HDAC9: variants seen among roughly 807,000 people sequenced by gnomAD.
The protein encoded by HDAC9 is histone deacetylase 9.
A neutral mutation model predicts 139.4 loss-of-function variants in HDAC9; 41 were observed. That is an observed-to-expected ratio of 0.29 (90% confidence interval 0.23 to 0.38). The LOEUF (loss-of-function observed/expected upper bound fraction) is 0.38, where lower values mean the gene tolerates loss of function less well. Ranked by LOEUF, HDAC9 falls within the 10% of genes least tolerant of loss-of-function variation. HDAC9 has a pLI of 1.00. For synonymous variants in HDAC9, 517 were observed against 476.2 expected, an observed-to-expected ratio of 1.09 and a Z score of -1.12; for missense variants, 1,147 against 1,297.0, an observed-to-expected ratio of 0.88 and a Z score of 1.78.
At chr7:18,814,041 G>A (rs1794385393) in intron 17 of HDAC9, among the ~76,000 whole-genome samples, 1 of 152,188 alleles carries the variant, frequency 6.6e-6, no homozygotes, top group South Asian at 2.1e-4. Flanking sequence ...TCTTCATCTG[G>A]CTCTTGGCTT....
intron 21 of HDAC9, among the ~76,000 whole-genome samples, chr7:18,842,928 T>G (rs1341504926): frequency 6.6e-6 from 1 of 152,238 alleles, no homozygotes; most frequent in African/African-American, 2.4e-5. Flanking sequence ...CTTGAAGTAC[T>G]TGAAGTTTTG....
intron 1 of HDAC9, among the ~76,000 whole-genome samples, chr7:18,464,303 A>G (rs1794086558): frequency 6.6e-6 from 1 of 151,986 alleles, no homozygotes; most frequent in Non-Finnish European, 1.5e-5. Flanking sequence ...ATTCACTTCC[A>G]TTTAATATGA....
chr7:18,972,555 AT>A (rs1784311893), intron 24 of HDAC9, among the ~76,000 whole-genome samples: 1 of 151,008 alleles, frequency 6.6e-6, no homozygotes, highest in African/African-American at 2.4e-5. Context: ...TATTTTTTGT[AT>A]TTTCAGTAGA....
intron 1 of HDAC9, among the ~76,000 whole-genome samples, chr7:18,161,346 C>T (rs768682887): frequency 1.4e-4 from 22 of 151,878 alleles, no homozygotes; most frequent in Non-Finnish European, 2.4e-4. Context: ...AAAATAGTGA[C>T]GGAAAAACGA....
chr7:18,803,840 T>C (rs1040970633), intron 17 of HDAC9, among the ~76,000 whole-genome samples: 2 of 152,174 alleles, frequency 1.3e-5, no homozygotes, highest in Non-Finnish European at 2.9e-5. Flanking sequence ...TATTTTGTGA[T>C]ATATCCCTTG....
At chr7:18,993,582 T>C (rs906189503) in intron 25 of HDAC9, among the ~76,000 whole-genome samples, 1 of 152,066 alleles carries the variant, frequency 6.6e-6, no homozygotes, top group Non-Finnish European at 1.5e-5. Context: ...CAGGAGGATC[T>C]CTTGAGCCCA....
At chr7:18,668,176 T>G in intron 12 of HDAC9, 3 of 849,424 alleles carry the variant, frequency 3.5e-6, no homozygotes, top group Non-Finnish European at 4.2e-6. Context: ...CCATTCAAAT[T>G]AAATTAACAT....
At chr7:18,230,480 A>G (rs1793377099) in intron 2 of HDAC9, among the ~76,000 whole-genome samples, 1 of 152,198 alleles carries the variant, frequency 6.6e-6, no homozygotes, top group Non-Finnish European at 1.5e-5. Context: ...AAAAATTCAC[A>G]TGATAAATTC....
At chr7:18,957,611 T>TA (rs930363593) in intron 24 of HDAC9, among the ~76,000 whole-genome samples, 6 of 152,222 alleles carry the variant, frequency 3.9e-5, no homozygotes, top group East Asian at 1.9e-4. Flanking sequence ...TCTTCCTTGT[T>TA]AAAAAAATTA....
intron 1 of HDAC9, among the ~76,000 whole-genome samples, chr7:18,342,883 A>C (rs773586308): frequency 6.6e-6 from 1 of 151,846 alleles, no homozygotes; most frequent in Non-Finnish European, 1.5e-5. Flanking sequence ...GGATCTACTG[A>C]ATGAGAGAGA....
chr7:18,239,461 C>T (rs1460475893), intron 2 of HDAC9, among the ~76,000 whole-genome samples: 1 of 152,108 alleles, frequency 6.6e-6, no homozygotes, highest in African/African-American at 2.4e-5. Context: ...CCATAGGTTT[C>T]GTTTTGATGT....
intron 12 of HDAC9, among the ~76,000 whole-genome samples, chr7:18,690,774 G>A (rs889889543): frequency 1.3e-5 from 2 of 152,014 alleles, no homozygotes; most frequent in East Asian, 3.9e-4. Flanking sequence ...CAAACAAGAC[G>A]TACGGCATGC....
intron 1 of HDAC9, among the ~76,000 whole-genome samples, chr7:18,325,144 A>T (rs902342770): frequency 6.6e-6 from 1 of 152,144 alleles, no homozygotes; most frequent in Admixed American, 6.6e-5. Context: ...ATAAAAAAAG[A>T]CCCAATAGTT....
At chr7:18,899,838 C>G (rs1379479673) in intron 22 of HDAC9, among the ~76,000 whole-genome samples, 1 of 151,916 alleles carries the variant, frequency 6.6e-6, no homozygotes, top group Non-Finnish European at 1.5e-5. Flanking sequence ...TATCTGTGAC[C>G]TGTAATATAA....
intron 14 of HDAC9, among the ~76,000 whole-genome samples, chr7:18,752,435 G>C (rs192600078): frequency 6.6e-6 from 1 of 152,072 alleles, no homozygotes; most frequent in Admixed American, 6.6e-5. Context: ...GATACCCCAA[G>C]GACCCAAATA....
chr7:18,981,914 C>G (rs1177194762), intron 25 of HDAC9, among the ~76,000 whole-genome samples: 1 of 151,572 alleles, frequency 6.6e-6, no homozygotes, highest in Non-Finnish European at 1.5e-5. Flanking sequence ...AATGACAAGT[C>G]TTTGATAAGA....
intron 22 of HDAC9, among the ~76,000 whole-genome samples, chr7:18,875,199 C>G (rs1244457742): frequency 6.6e-6 from 1 of 152,030 alleles, no homozygotes; most frequent in Non-Finnish European, 1.5e-5. Context: ...ATAATACAAC[C>G]TAATGGAATC....
At chr7:18,598,090 A>G (rs989571280) in intron 6 of HDAC9, among the ~76,000 whole-genome samples, 2 of 152,188 alleles carry the variant, frequency 1.3e-5, no homozygotes, top group African/African-American at 4.8e-5. Context: ...TCATTATAAT[A>G]AAAAACACAA....
intron 16 of HDAC9, among the ~76,000 whole-genome samples, chr7:18,782,841 T>G (rs1439238503): frequency 6.6e-6 from 1 of 152,050 alleles, no homozygotes; most frequent in Non-Finnish European, 1.5e-5. Flanking sequence ...TCCATTTTTC[T>G]TAGGTCACGG....
Sources: allele counts gnomAD v4.1 joint callset (sites outside exome capture counted in the v4.1 genomes callset), GRCh38; gene constraint gnomAD v4.1.1; transcripts MANE v1.5; gene names NCBI Gene and HGNC (gene_info 2026-07-23, HGNC 2026-07-21).